Variants in SLC35B3 observed in about 807,000 individuals in gnomAD.
SLC35B3 encodes the protein solute carrier family 35 member B3, also known as adenosine 3'-phospho 5'-phosphosulfate transporter 2.
A neutral mutation model predicts 44.1 loss-of-function variants in SLC35B3; 35 were observed. That is an observed-to-expected ratio of 0.79 (90% CI 0.61 to 1.05). The LOEUF is 1.05. Ranked by LOEUF, SLC35B3 falls within the 50% of genes least tolerant of loss-of-function variation. The pLI is 0.00. For missense variants in SLC35B3, 414 were observed against 476.4 expected (o/e 0.87, Z 1.22); for synonymous variants, 146 against 167.3 (o/e 0.87, Z 0.98).
At chr6:8,427,009 G>T (rs1414924580) in intron 4 of SLC35B3, among the ~76,000 whole-genome samples, 2 of 152,324 alleles carry the variant, frequency 1.3e-5, no homozygotes, top group African/African-American at 4.8e-5. Context: ...CTGCCCTAGA[G>T]ATCTATGGAA....
chr6:8,430,706 CCT>C (rs141801230), intron 2 of SLC35B3, among the ~76,000 whole-genome samples: 4,733 of 151,704 alleles, frequency 0.031, 257 homozygotes, highest in African/African-American at 0.11. Context: ...ATAGCAAGAC[CCT>C]CTCTCTACCA....
rs1241572031 is a variant in SLC35B3 at position 8,412,576 on chromosome 6, C to CTA, written c.*971_*972dup. 6.6e-6 allele frequency among the ~76,000 whole-genome samples: 1 copy of CTA among 152,118 alleles called. No individual in the cohort carries two copies. The highest frequency in any genetic ancestry group is 1.5e-5 in the Non-Finnish European group (1 of 68,028). ...ATGATGTCTGTTTTTACTACCTTGC[C>CTA]TATATTCTACATAAAACTTAAAGCA... On this transcript the variant is annotated 3_prime_UTR_variant, in exon 11 of 11. Transcript: ENST00000644923.
chr6:8,429,283 TAATGTAA>T (rs141118628), intron 3 of SLC35B3, among the ~76,000 whole-genome samples: 4,735 of 152,162 alleles, frequency 0.031, 253 homozygotes, highest in African/African-American at 0.11. Context: ...TTTCCAAATA[TAATGTAA>T]ATATAAGACA....
Position 8,420,775 on chromosome 6 carries a change from G to A in SLC35B3, c.628C>T (p.Leu210=). ...CTGTCAGCGAGGGTAAACCATATCA[G>A]GCCAAGGCTCATACATATGGCAGCA... The change falls in exon 6 of 11, where the codon CTG becomes TTG. Residue 210 remains leucine (L), a synonymous_variant. Coordinates refer to ENST00000644923, the MANE Select transcript of SLC35B3 (RefSeq NM_001370476.2). The surrounding 1 kb of genome is among the most constrained non-coding windows in gnomAD (Gnocchi z 4.4). The A allele has an allele frequency of 6.2e-7, 1 of 1,613,472 alleles. No individual in the cohort carries two copies. Among genetic ancestry groups the A allele is most frequent in the Non-Finnish European group, 8.5e-7 (1 of 1,179,520 alleles).
At chr6:8,423,245 C>G (rs1374659753) in intron 4 of SLC35B3, among the ~76,000 whole-genome samples, 1 of 152,172 alleles carries the variant, frequency 6.6e-6, no homozygotes, top group Non-Finnish European at 1.5e-5. Context: ...ATGTTTCCAT[C>G]TAGCATTAGG....
intron 4 of SLC35B3, among the ~76,000 whole-genome samples, chr6:8,427,243 C>G (rs750328369): frequency 6.6e-6 from 1 of 152,150 alleles, no homozygotes. Flanking sequence ...GAATGTTAAT[C>G]CCCAAGACAA....
At position 8,435,410 on chromosome 6, in the gene SLC35B3, C is replaced by G. The variant is rs1313372593; in HGVS notation, c.-111G>C. On this transcript the variant is annotated 5_prime_UTR_variant, in exon 1 of 11. Transcript: ENST00000644923. This position sits in a 1 kb window ranked among gnomAD's most constrained non-coding sequence, Gnocchi z 5.5. ...GTGGCGTCTGAGCTAGACGGAGCAT[C>G]TCCCCCTCCCCTGGTCCGTCGCCAT... The G allele has an allele frequency of 2.3e-6, 3 of 1,286,972 alleles. No homozygotes were observed. The highest frequency in any genetic ancestry group is 3.0e-6 in the Non-Finnish European group (3 of 987,684). 79.7% of individuals were successfully genotyped at this position (1,286,972 alleles called of 1,614,324 possible).
rs547528497 is a variant in SLC35B3, at chr6:8,411,574, A to G, written c.*1975T>C. 6.6e-6 allele frequency among the ~76,000 whole-genome samples: 1 copy of G among 152,316 alleles called. No individual in the cohort carries two copies. Among genetic ancestry groups the G allele is most frequent in the African/African-American group, 2.4e-5 (1 of 41,582 alleles). ...ATGCATTAAGATCCCGTCTATCTTAAGCCAGGAAAAATTTTAAATGATTAC... is the reference window on the plus strand; with the variant it reads ...ATGCATTAAGATCCCGTCTATCTTAGGCCAGGAAAAATTTTAAATGATTAC... On this transcript the variant is annotated 3_prime_UTR_variant, in exon 11 of 11. Coordinates refer to ENST00000644923, the MANE Select transcript of SLC35B3 (RefSeq NM_001370476.2).
chr6:8,416,067 A>C (rs932243922), intron 9 of SLC35B3, among the ~76,000 whole-genome samples: 4 of 152,158 alleles, frequency 2.6e-5, no homozygotes, highest in Non-Finnish European at 5.9e-5. Flanking sequence ...CTGGTTGACT[A>C]TGAGACAAGT....
intron 9 of SLC35B3, 114 bp downstream of exon 8, chr6:8,416,770 A>G (rs1762445911): frequency 2.1e-6 from 1 of 482,996 alleles, no homozygotes; most frequent in South Asian, 4.8e-5. Context: ...AATTGGTGAA[A>G]TATGATAATT....
chr6:8,429,715 A>C (rs1273801094), intron 3 of SLC35B3, 149 bp downstream of exon 2: 4 of 419,270 alleles, frequency 9.5e-6, no homozygotes, highest in African/African-American at 6.3e-5. Flanking sequence ...ATCTGTTAAG[A>C]AGCTCTTTTC....
Position 8,413,433 on chromosome 6 carries a change from T to TC in SLC35B3, c.*115dup. On this transcript the variant is annotated 3_prime_UTR_variant, in exon 11 of 11. Coordinates refer to ENST00000644923, the MANE Select transcript of SLC35B3 (RefSeq NM_001370476.2). ...GCAAAACAACTTCATATGAAATCTG[T>TC]CCACAAATGGGATAGCAATGCCTCC... 1 of 864,266 alleles carries TC rather than the reference T, an allele frequency of 1.2e-6. No individual in the cohort carries two copies. The highest frequency in any genetic ancestry group is 1.7e-6 in the Non-Finnish European group (1 of 584,518). 53.5% of individuals were successfully genotyped at this position (864,266 alleles called of 1,614,324 possible).
At position 8,413,295 on chromosome 6, in the gene SLC35B3, C is replaced by T. The variant is rs1361739591; in HGVS notation, c.*254G>A. On this transcript the variant is annotated 3_prime_UTR_variant, in exon 11 of 11. Transcript: ENST00000644923. ...TTCCAGTGAAATTCTCAATAAACTG[C>T]TAGGAATTACAGTCCTTCATATTGA... The T allele has an allele frequency of 6.0e-6, 2 of 333,876 alleles. No homozygotes were observed. The highest frequency in any genetic ancestry group is 4.3e-5 in the African/African-American group (2 of 46,252). The allele number at this position is 333,876 out of a possible 1,614,324, so 20.7% of individuals were successfully genotyped here. A position where few individuals can be genotyped will look rare whatever the true frequency, so the allele number is the denominator to read the frequency against.
At position 8,420,923 on chromosome 6, in the gene SLC35B3, T is replaced by C; in HGVS notation, c.575-95A>G. 1 of 935,250 alleles carries C rather than the reference T, an allele frequency of 1.1e-6. No individual in the cohort carries two copies. Among genetic ancestry groups the C allele is most frequent in the South Asian group, 1.9e-5 (1 of 52,948 alleles). The allele number at this position is 935,250 out of a possible 1,614,324, so 57.9% of individuals were successfully genotyped here. On this transcript the variant is annotated intron_variant, in intron 5 of 10. Coordinates refer to ENST00000644923, the MANE Select transcript of SLC35B3 (RefSeq NM_001370476.2). This position sits in a 1 kb window ranked among gnomAD's most constrained non-coding sequence, Gnocchi z 4.4. ...TTAAGTAGAACATGGATTTGTTTTT[T>C]TATATCCAATGCCAAAAACGTGAAC...
chr6:8,414,872 A>G (rs752912745), intron 10 of SLC35B3, 36 bp downstream of exon 9: 1 of 1,312,266 alleles, frequency 7.6e-7, no homozygotes, highest in South Asian at 1.4e-5. Flanking sequence ...CAGTATCTAA[A>G]AACTGAGAAA....
intron 8 of SLC35B3, 83 bp downstream of exon 7, chr6:8,417,319 C>G (rs1762499860): frequency 1.2e-6 from 1 of 815,584 alleles, no homozygotes. Flanking sequence ...TCTATGATAG[C>G]CTCTTTTGAA....
At chr6:8,422,888 G>A (rs575736752) in intron 4 of SLC35B3, among the ~76,000 whole-genome samples, 15 of 150,142 alleles carry the variant, frequency 1.0e-4, no homozygotes, top group African/African-American at 3.5e-4. Flanking sequence ...TTTACTGAAG[G>A]TATAAATGTT....
chr6:8,430,186 T>C (rs1248430436), intron 2 of SLC35B3, 29 bp from the exon 2 acceptor site: 1 of 1,504,166 alleles, frequency 6.6e-7, no homozygotes, highest in Admixed American at 2.4e-5. Context: ...AATTAAAACA[T>C]TTACATGATA....
chr6:8,429,930 T>C lies in SLC35B3; in HGVS notation c.231A>G (p.Lys77=), dbSNP rs1379209133. The change falls in exon 3 of 11, where the codon AAA becomes AAG. Residue 77 remains lysine (K), a synonymous_variant. Transcript: ENST00000644923. ...CAACACATATGAAAAACTGAGTAAG[T>C]TTGTTAAACTTGCTGAGATTCATGC... is the stretch of plus-strand genomic sequence containing the variant. 1 of 1,610,656 alleles carries C rather than the reference T, an allele frequency of 6.2e-7. No individual in the cohort carries two copies. The highest frequency in any genetic ancestry group is 1.3e-5 in the African/African-American group (1 of 74,776).
Sources: gnomAD v4.1 joint callset for allele counts (sites outside exome capture counted in the v4.1 genomes callset) on GRCh38, gnomAD v4.1.1 for gene constraint, Gnocchi (gnomAD v3.1) non-coding constraint, MANE v1.5 for transcripts, NCBI Gene and HGNC (gene_info 2026-07-23, HGNC 2026-07-21) for gene names.